Variants in B3GALT1 observed in about 807,000 individuals in gnomAD.
B3GALT1 encodes the protein UDP-Gal:betaGlcNAc beta 1,3-galactosyltransferase, polypeptide 1.
B3GALT1 carries 10 observed loss-of-function variants against 23.2 expected under a neutral mutation model. That is an observed-to-expected ratio of 0.43 (90% confidence interval 0.27 to 0.73). The LOEUF (loss-of-function observed/expected upper bound fraction) is 0.73. Ranked by LOEUF, B3GALT1 falls within the 30% of genes least tolerant of loss-of-function variation. The pLI, the probability that B3GALT1 is intolerant of heterozygous loss-of-function variation, is 0.21. For missense variants in B3GALT1, 299 were observed against 405.4 expected (o/e 0.74, Z 2.25); for synonymous variants, 156 against 141.5 (o/e 1.10, Z -0.73).
intron 1 of B3GALT1, among the ~76,000 whole-genome samples, chr2:167,411,680 A>T (rs1698395292): frequency 6.6e-6 from 1 of 152,164 alleles, no homozygotes; most frequent in Non-Finnish European, 1.5e-5. Context: ...TAAAAATAGA[A>T]CTACCATATT....
chr2:167,385,432 T>C (rs1376078451), intron 1 of B3GALT1, among the ~76,000 whole-genome samples: 1 of 152,212 alleles, frequency 6.6e-6, no homozygotes, highest in Non-Finnish European at 1.5e-5. Context: ...AAATTGTATC[T>C]TTTTTATAAC....
At chr2:167,360,419 C>G (rs1035763213) in intron 1 of B3GALT1, among the ~76,000 whole-genome samples, 6 of 152,096 alleles carry the variant, frequency 3.9e-5, no homozygotes, top group African/African-American at 1.4e-4. Context: ...ACAACAAAGT[C>G]TTTGAGAACA....
intron 2 of B3GALT1, chr2:167,558,430 C>T (rs1683894369): frequency 6.6e-6 from 1 of 152,664 alleles, no homozygotes; most frequent in South Asian, 2.1e-4. Context: ...AGGTTCATCT[C>T]ACTAGGGAGT....
chr2:167,532,285 A>T (rs1264615576), intron 2 of B3GALT1, among the ~76,000 whole-genome samples: 1 of 152,168 alleles, frequency 6.6e-6, no homozygotes, highest in African/African-American at 2.4e-5. Flanking sequence ...TGTTTGGTTT[A>T]ACTTATTACT....
chr2:167,584,406 G>A (rs1038423454), intron 2 of B3GALT1, among the ~76,000 whole-genome samples: 4 of 152,102 alleles, frequency 2.6e-5, no homozygotes, highest in Non-Finnish European at 5.9e-5. Context: ...AAAACCCTAC[G>A]TTTTTCCTAT....
rs1327241083 is a variant in B3GALT1, at chr2:167,857,721, T to C, written c.-229-11090T>C. 3.9e-5 allele frequency among the ~76,000 whole-genome samples: 6 copies of C among 152,246 alleles called. No homozygotes were observed. In the East Asian group the frequency reaches 1.2e-3, roughly 29 times the overall value. ...TACTAATTTAGGAAAATTGTACACA[T>C]AACCACAGATTTCAGAAACAAAAAG... On this transcript the variant is annotated intron_variant, in intron 4 of 4. Coordinates refer to ENST00000392690, the MANE Select transcript of B3GALT1 (RefSeq NM_020981.4).
At chr2:167,578,673 T>G (rs1486245358) in intron 2 of B3GALT1, among the ~76,000 whole-genome samples, 1 of 151,936 alleles carries the variant, frequency 6.6e-6, no homozygotes, top group Non-Finnish European at 1.5e-5. Context: ...AAGGGTTGTC[T>G]TAAAATCATA....
At chr2:167,710,246 AT>A (rs1484521124) in intron 3 of B3GALT1, among the ~76,000 whole-genome samples, 2 of 152,178 alleles carry the variant, frequency 1.3e-5, no homozygotes, top group African/African-American at 4.8e-5. Context: ...GAATGAAACA[AT>A]TTTTTTAAAC....
intron 1 of B3GALT1, among the ~76,000 whole-genome samples, chr2:167,462,907 C>A (rs1247182800): frequency 6.6e-6 from 1 of 152,036 alleles, no homozygotes; most frequent in African/African-American, 2.4e-5. Flanking sequence ...AATAAAATTT[C>A]AAATATGACA....
At chr2:167,739,972 G>T (rs1026661246) in intron 3 of B3GALT1, among the ~76,000 whole-genome samples, 2 of 150,718 alleles carry the variant, frequency 1.3e-5, no homozygotes, top group African/African-American at 4.9e-5. Context: ...GGTGGTGCAT[G>T]CCTGTAGACT....
intron 1 of B3GALT1, among the ~76,000 whole-genome samples, chr2:167,487,501 A>G (rs1353192269): frequency 6.6e-6 from 1 of 152,178 alleles, no homozygotes. Context: ...TTAAAAATCC[A>G]ATAACTCTTT....
At chr2:167,857,761 C>G (rs574884405) in intron 4 of B3GALT1, among the ~76,000 whole-genome samples, 1 of 152,224 alleles carries the variant, frequency 6.6e-6, no homozygotes, top group South Asian at 2.1e-4. Context: ...GGTTAAAAAG[C>G]TACTCTGCCA....
intron 1 of B3GALT1, among the ~76,000 whole-genome samples, chr2:167,474,583 A>T (rs749324967): frequency 1.3e-5 from 2 of 152,122 alleles, no homozygotes; most frequent in African/African-American, 4.8e-5. Flanking sequence ...AAATTTTGAC[A>T]TATAATCGTA....
At chr2:167,436,783 C>T (rs1698792718) in intron 1 of B3GALT1, among the ~76,000 whole-genome samples, 1 of 152,048 alleles carries the variant, frequency 6.6e-6, no homozygotes, top group Non-Finnish European at 1.5e-5. Flanking sequence ...TAAGAGGGTG[C>T]TGGAATTCAC....
chr2:167,644,975 A>G (rs961707513), intron 2 of B3GALT1, among the ~76,000 whole-genome samples: 1 of 152,068 alleles, frequency 6.6e-6, no homozygotes, highest in African/African-American at 2.4e-5. Flanking sequence ...TATTTACTGG[A>G]AAAAGTCTGA....
Position 167,587,248 on chromosome 2 carries a change from G to A in B3GALT1, c.-409-59661G>A, listed in dbSNP as rs146390497. On this transcript the variant is annotated intron_variant, in intron 2 of 4. Transcript: ENST00000392690. Reference sequence around the variant, plus strand: ...TTGCCTAGGTACCTTGTCATGTCCAGGAAGTATTATTCAACATATTTTTAC... The same window carrying A: ...TTGCCTAGGTACCTTGTCATGTCCAAGAAGTATTATTCAACATATTTTTAC... 2.2e-3 allele frequency among the ~76,000 whole-genome samples: 341 copies of A among 152,112 alleles called. 5 individuals carry two copies. In the East Asian group the frequency reaches 0.045, roughly 20 times the overall value.
intron 1 of B3GALT1, among the ~76,000 whole-genome samples, chr2:167,414,255 T>C (rs1698434785): frequency 6.6e-6 from 1 of 152,158 alleles, no homozygotes; most frequent in African/African-American, 2.4e-5. Flanking sequence ...CCTAAGAGAA[T>C]ACAGCAAGAG....
chr2:167,513,068 CAAAAAAAAA>C (rs544667836), intron 2 of B3GALT1, among the ~76,000 whole-genome samples: 1 of 72,540 alleles, frequency 1.4e-5, no homozygotes, highest in Admixed American at 1.5e-4. Flanking sequence ...ATTCATGCCA[CAAAAAAAAA>C]AAAAAAAAAA....
At chr2:167,752,718 G>GA (rs1436864879) in intron 3 of B3GALT1, among the ~76,000 whole-genome samples, 2 of 151,672 alleles carry the variant, frequency 1.3e-5, no homozygotes, top group South Asian at 2.1e-4. Flanking sequence ...CTCCGAAAAG[G>GA]AAAAAACAAA....
Sources: allele counts gnomAD v4.1 joint callset (sites outside exome capture counted in the v4.1 genomes callset), GRCh38; gene constraint gnomAD v4.1.1; transcripts MANE v1.5; gene names NCBI Gene and HGNC (gene_info 2026-07-23, HGNC 2026-07-21).